Variants in CCDC178 observed in about 807,000 individuals in gnomAD.
CCDC178 encodes coiled-coil domain containing 178.
In CCDC178, 126 loss-of-function variants were observed where a neutral mutation model predicts 117.4. The observed-to-expected ratio is 1.07, with a 90% CI of 0.93 to 1.24. The LOEUF (loss-of-function observed/expected upper bound fraction) is 1.24, where lower values mean the gene tolerates loss of function less well. Ranked by LOEUF, CCDC178 falls within the 50% of genes most tolerant of loss-of-function variation. CCDC178 has a pLI of 0.00. For synonymous variants in CCDC178, 283 were observed against 313.4 expected (o/e 0.90, Z 1.02); for missense variants, 1,030 against 986.9 (o/e 1.04, Z -0.59).
At chr18:33,247,979 C>A (rs1403451335) in intron 14 of CCDC178, among the ~76,000 whole-genome samples, 1 of 151,520 alleles carries the variant, frequency 6.6e-6, no homozygotes, top group Non-Finnish European at 1.5e-5. Context: ...AATTTCTAGA[C>A]TTGAGAAAAA....
intron 5 of CCDC178, among the ~76,000 whole-genome samples, chr18:33,385,720 G>C (rs1051179152): frequency 6.6e-6 from 1 of 152,154 alleles, no homozygotes; most frequent in East Asian, 1.9e-4. Flanking sequence ...GCAGTGTTAA[G>C]TGGCAAATTT....
At position 33,020,310 on chromosome 18, in the gene CCDC178, T is replaced by C. The variant is rs1304539961; in HGVS notation, c.2389-45629A>G. On this transcript the variant is annotated intron_variant, in intron 21 of 22. Transcript: ENST00000383096. ...ATTCTCCCTGAAAGTTGTGTTGTTCTCCGTTAAACAAATTATAGTGATCCA... is the reference window on the plus strand; with the variant it reads ...ATTCTCCCTGAAAGTTGTGTTGTTCCCCGTTAAACAAATTATAGTGATCCA... 2.0e-5 allele frequency among the ~76,000 whole-genome samples: 3 copies of C among 152,084 alleles called. No homozygotes were observed. In the East Asian group the frequency reaches 5.8e-4, roughly 29 times the overall value.
chr18:33,152,661 C>A (rs2058353770), intron 20 of CCDC178, among the ~76,000 whole-genome samples: 1 of 152,036 alleles, frequency 6.6e-6, no homozygotes, highest in Admixed American at 6.6e-5. Flanking sequence ...AGCCAGAGCA[C>A]AAGAACCACA....
At chr18:33,173,717 G>A (rs1200136615) in intron 20 of CCDC178, among the ~76,000 whole-genome samples, 2 of 152,146 alleles carry the variant, frequency 1.3e-5, no homozygotes, top group South Asian at 2.1e-4. Flanking sequence ...AGCTTCTGCC[G>A]TGACTGTCCT....
intron 4 of CCDC178, among the ~76,000 whole-genome samples, chr18:33,390,788 C>CT (rs2063553598): frequency 6.6e-6 from 1 of 151,812 alleles, no homozygotes; most frequent in South Asian, 2.1e-4. Flanking sequence ...TAAGATGGCA[C>CT]TTTCTTCCAT....
chr18:33,432,617 T>C (rs909637020), intron 2 of CCDC178, among the ~76,000 whole-genome samples: 5 of 151,938 alleles, frequency 3.3e-5, no homozygotes, highest in Admixed American at 3.3e-4. Flanking sequence ...AAGAAACACA[T>C]CTCTTTGAGA....
chr18:32,965,074 C>A (rs192309031), intron 22 of CCDC178, among the ~76,000 whole-genome samples: 4 of 151,980 alleles, frequency 2.6e-5, no homozygotes, highest in Non-Finnish European at 4.4e-5. Context: ...GTGACTGGCA[C>A]ATAGTCTTAC....
chr18:33,229,917 C>T (rs2059351305), intron 15 of CCDC178, among the ~76,000 whole-genome samples: 1 of 152,134 alleles, frequency 6.6e-6, no homozygotes, highest in African/African-American at 2.4e-5. Context: ...GAGATACTAC[C>T]TTTCATTATT....
intron 12 of CCDC178, among the ~76,000 whole-genome samples, chr18:33,278,069 C>T (rs181113126): frequency 1.8e-3 from 268 of 152,046 alleles, no homozygotes; most frequent in African/African-American, 6.2e-3. Flanking sequence ...AAACTTGCAT[C>T]TAAATGTTAT....
chr18:33,044,204 C>T (rs907164335), intron 21 of CCDC178, among the ~76,000 whole-genome samples: 5 of 151,726 alleles, frequency 3.3e-5, no homozygotes, highest in African/African-American at 1.2e-4. Flanking sequence ...GATTAAAAAG[C>T]CTCTACAGGA....
intron 5 of CCDC178, among the ~76,000 whole-genome samples, chr18:33,379,702 T>C (rs949478822): frequency 1.3e-5 from 2 of 152,088 alleles, no homozygotes; most frequent in African/African-American, 4.8e-5. Flanking sequence ...GGTGATTGGG[T>C]GTTCCAGATG....
chr18:32,947,821 A>C (rs1209836413), intron 22 of CCDC178, among the ~76,000 whole-genome samples: 1 of 152,134 alleles, frequency 6.6e-6, no homozygotes, highest in East Asian at 1.9e-4. Flanking sequence ...AAAATCTAGA[A>C]GTTTTATAAT....
intron 21 of CCDC178, among the ~76,000 whole-genome samples, chr18:33,076,680 C>T (rs910555701): frequency 4.6e-5 from 7 of 152,166 alleles, no homozygotes; most frequent in Non-Finnish European, 7.3e-5. Context: ...CTAGTCAGCT[C>T]GTGGTGTGTG....
chr18:33,292,847 G>T (rs1284273551), intron 12 of CCDC178, among the ~76,000 whole-genome samples: 1 of 151,938 alleles, frequency 6.6e-6, no homozygotes, highest in African/African-American at 2.4e-5. Flanking sequence ...GTGTTATCCT[G>T]GAGTCTCCAG....
chr18:33,142,242 C>T (rs1312244411), intron 20 of CCDC178, among the ~76,000 whole-genome samples: 2 of 152,102 alleles, frequency 1.3e-5, no homozygotes, highest in Non-Finnish European at 2.9e-5. Context: ...CATGTCTTGC[C>T]TGCAATGCAC....
chr18:33,411,298 T>C (rs2063849302), intron 3 of CCDC178, among the ~76,000 whole-genome samples: 1 of 152,192 alleles, frequency 6.6e-6, no homozygotes, highest in Non-Finnish European at 1.5e-5. Flanking sequence ...CATCAGATAG[T>C]AAAAATTTTA....
intron 9 of CCDC178, 44 bp from the exon 10 acceptor site, chr18:33,333,438 A>C (rs1433178067): frequency 1.0e-6 from 1 of 959,602 alleles, no homozygotes; most frequent in African/African-American, 1.7e-5. Flanking sequence ...TGATTGGAGG[A>C]AATATTTGAT....
intron 21 of CCDC178, among the ~76,000 whole-genome samples, chr18:33,057,134 T>C (rs1048488246): frequency 1.3e-5 from 2 of 152,136 alleles, no homozygotes; most frequent in Non-Finnish European, 2.9e-5. Flanking sequence ...GCCAAGAACA[T>C]TAAATGACTG....
At chr18:33,410,995 G>A (rs1020838837) in intron 3 of CCDC178, among the ~76,000 whole-genome samples, 1 of 152,026 alleles carries the variant, frequency 6.6e-6, no homozygotes, top group African/African-American at 2.4e-5. Context: ...ACCTGTAAAC[G>A]AGCTCAGCCA....
Sources: gnomAD v4.1 joint callset for allele counts (sites outside exome capture counted in the v4.1 genomes callset) on GRCh38, gnomAD v4.1.1 for gene constraint, MANE v1.5 for transcripts, NCBI Gene and HGNC (gene_info 2026-07-23, HGNC 2026-07-21) for gene names.